Variants in UBR1 observed in about 807,000 individuals in gnomAD.
UBR1 encodes the protein E3 ubiquitin-protein ligase UBR1.
A neutral mutation model predicts 242.1 loss-of-function variants in UBR1; 102 were observed. The observed-to-expected ratio is 0.42, with a 90% CI of 0.36 to 0.50. The LOEUF is 0.50. Ranked by LOEUF, UBR1 falls within the 20% of genes least tolerant of loss-of-function variation. UBR1 has a pLI of 0.01. For synonymous variants in UBR1, 675 were observed against 684.8 expected, an observed-to-expected ratio of 0.99 and a Z score of 0.22; for missense variants, 1,772 against 2,101.8, an observed-to-expected ratio of 0.84 and a Z score of 3.07.
intron 31 of UBR1, among the ~76,000 whole-genome samples, chr15:43,002,967 C>A (rs1021459775): frequency 2.0e-5 from 3 of 152,176 alleles, no homozygotes; most frequent in Non-Finnish European, 4.4e-5. Context: ...CTTGCCTCAA[C>A]AGCATGGTGA....
chr15:43,051,462 G>T (rs1331970493), intron 12 of UBR1, among the ~76,000 whole-genome samples: 3 of 152,130 alleles, frequency 2.0e-5, no homozygotes, highest in Admixed American at 6.5e-5. Context: ...AGGAAATATA[G>T]CTAATGGGTA....
Position 43,075,046 on chromosome 15 carries a change from G to A in UBR1, c.461C>T (p.Thr154Ile). The stretch of plus-strand genomic sequence containing the variant: ...AAAAGGGCCAGTTTTCCATGCCTCT[G>A]TGTCTCCACAGTCACAGAACCCTCC... The part of the protein sequence containing the change: ...TGGGFCDCGD[T>I]EAWKTGPFCV... The change falls in exon 4 of 47, where the codon ACA becomes ATA. Residue 154 changes from threonine to isoleucine, a missense_variant. By Grantham distance (89) the Thr-to-Ile change is moderately conservative. Transcript: ENST00000290650. 9 of 1,614,080 alleles carry A rather than the reference G, an allele frequency of 5.6e-6. No individual in the cohort carries two copies. The highest frequency in any genetic ancestry group is 7.6e-6 in the Non-Finnish European group (9 of 1,180,014).
At chr15:42,999,919 A>G (rs1327081605) in intron 32 of UBR1, among the ~76,000 whole-genome samples, 1 of 152,102 alleles carries the variant, frequency 6.6e-6, no homozygotes, top group African/African-American at 2.4e-5. Context: ...AAAATATATA[A>G]TGAACTGTGC....
intron 46 of UBR1, among the ~76,000 whole-genome samples, chr15:42,945,677 T>C (rs2031722001): frequency 6.6e-6 from 1 of 152,202 alleles, no homozygotes; most frequent in Admixed American, 6.5e-5. Flanking sequence ...ATGTACTCCT[T>C]GACCATTCAT....
chr15:43,026,988 G>A (rs1370780040), intron 22 of UBR1, among the ~76,000 whole-genome samples: 1 of 151,992 alleles, frequency 6.6e-6, no homozygotes, highest in Non-Finnish European at 1.5e-5. Context: ...AAGGTTGTCT[G>A]TTCAACTAAA....
chr15:43,033,841 C>T (rs1281639666), intron 19 of UBR1, among the ~76,000 whole-genome samples: 4 of 152,220 alleles, frequency 2.6e-5, no homozygotes, highest in African/African-American at 9.6e-5. Context: ...CGGTGGCTCA[C>T]GCCTATAATC....
chr15:42,998,214 C>A lies in UBR1; in HGVS notation c.3711G>T (p.Gln1237His). 6.2e-7 allele frequency: 1 copy of A among 1,614,030 alleles called. No individual in the cohort carries two copies. Among genetic ancestry groups the A allele is most frequent in the Non-Finnish European group, 8.5e-7 (1 of 1,179,992 alleles). The change falls in exon 33 of 47, where the codon CAG (glutamine) becomes CAT (histidine). Residue 1237 changes from glutamine to histidine, a missense_variant. Coordinates refer to ENST00000290650, the MANE Select transcript of UBR1 (RefSeq NM_174916.3). The stretch of plus-strand genomic sequence containing the variant: ...AACCTGATATTCTGGCCAGAACAGT[C>A]TGTATCCACCGTGCCAGGGTCAAAA... ...AQLLTLARWI[Q>H]TVLARISGYN... is the part of the protein sequence containing the mutation.
At position 43,056,364 on chromosome 15, in the gene UBR1, T is replaced by A; in HGVS notation, c.1261A>T (p.Met421Leu). ...CATACCAGAGTAGGAACAGTAAACATCTGAACTGAAAGTGCAGTTATAGAG... is the reference window on the plus strand; with the variant it reads ...CATACCAGAGTAGGAACAGTAAACAACTGAACTGAAAGTGCAGTTATAGAG... ...SISITALSVQ[M>L]FTVPTLARHL... is the part of the protein sequence containing the mutation. The change falls in exon 11 of 47, where the codon ATG (methionine) becomes TTG (leucine). Residue 421 changes from methionine (M) to leucine (L), a missense_variant. Coordinates refer to ENST00000290650, the MANE Select transcript of UBR1 (RefSeq NM_174916.3). 3 of 1,611,426 alleles carry A rather than the reference T, an allele frequency of 1.9e-6. No homozygotes were observed. The highest frequency in any genetic ancestry group is 4.5e-5 in the East Asian group (2 of 44,804).
At chr15:43,092,017 G>C (rs950586443) in intron 1 of UBR1, 10 of 453,920 alleles carry the variant, frequency 2.2e-5, no homozygotes, top group African/African-American at 1.8e-4. Context: ...GTCAGAGAGG[G>C]AGAGGTCAGT....
chr15:43,020,994 C>T (rs979918460), intron 27 of UBR1: 6 of 336,312 alleles, frequency 1.8e-5, no homozygotes, highest in African/African-American at 6.4e-5. Context: ...ATAGTAAGCA[C>T]CTTGTCTGCC....
chr15:43,059,085 C>T lies in UBR1; in HGVS notation c.1093G>A (p.Gly365Ser), dbSNP rs1230452785. The T allele has an allele frequency of 6.2e-7, 1 of 1,613,306 alleles. No homozygotes were observed. Among genetic ancestry groups the T allele is most frequent in the Non-Finnish European group, 8.5e-7 (1 of 1,179,340 alleles). The change falls in exon 9 of 47, where the codon GGT becomes AGT. Residue 365 changes from glycine (G) to serine (S), a missense_variant and splice_region_variant. Gly to Ser is a moderately conservative substitution (Grantham distance 56). Coordinates refer to ENST00000290650, the MANE Select transcript of UBR1 (RefSeq NM_174916.3). ...ACAGCATAAGCAAATGTCTACTTAC[C>T]TTTATAAAGCTTTGCATCCCAAAGC... Reference protein sequence around the residue: ...LMLWDAKLYKGARKILHELIF... With the variant: ...LMLWDAKLYKSARKILHELIF...
chr15:43,081,417 C>CAAAAAAAAAA (rs71108197), intron 3 of UBR1, among the ~76,000 whole-genome samples: 2 of 69,706 alleles, frequency 2.9e-5, no homozygotes, highest in Non-Finnish European at 2.6e-5. Flanking sequence ...CACCCCATCT[C>CAAAAAAAAAA]AAAAAAAAAA....
intron 29 of UBR1, 82 bp downstream of exon 29, chr15:43,015,606 C>A (rs1446019726): frequency 5.5e-6 from 8 of 1,453,670 alleles, no homozygotes; most frequent in Non-Finnish European, 7.6e-6. Flanking sequence ...CCTGCCAAAT[C>A]CCCCTCTCGG....
chr15:43,102,369 G>A (rs1427549338), intron 1 of UBR1, among the ~76,000 whole-genome samples: 4 of 152,182 alleles, frequency 2.6e-5, no homozygotes, highest in Non-Finnish European at 5.9e-5. Context: ...TCCAAGTGAA[G>A]ATGTCAAGTA....
rs531300795 is a variant in UBR1, at chr15:42,990,192, T to C, written c.3758-72A>G. The C allele has an allele frequency of 3.5e-5, 38 of 1,100,992 alleles. 1 individual carries two copies. The East Asian group carries it at 4.0e-4, about 12-fold the overall frequency. The allele number at this position is 1,100,992 out of a possible 1,614,324, so 68.2% of individuals were successfully genotyped here. A position where few individuals can be genotyped will look rare whatever the true frequency, so the allele number is the denominator to read the frequency against. On this transcript the variant is annotated intron_variant, in intron 33 of 46. Coordinates refer to ENST00000290650, the MANE Select transcript of UBR1 (RefSeq NM_174916.3). The stretch of plus-strand genomic sequence containing the variant: ...GTCTGACATACAGTTTTCTAGCATT[T>C]ATTTATTTATTTTTGACAGTCTCAC...
At chr15:43,007,483 T>C (rs1041566931) in intron 29 of UBR1, among the ~76,000 whole-genome samples, 199 bp from the exon 30 acceptor site, 3 of 152,110 alleles carry the variant, frequency 2.0e-5, no homozygotes, top group Non-Finnish European at 4.4e-5. Context: ...AAAATACAAG[T>C]GTTGCTAAGT....
At chr15:43,042,732 T>C (rs540723802) in intron 15 of UBR1, among the ~76,000 whole-genome samples, 6 of 152,280 alleles carry the variant, frequency 3.9e-5, no homozygotes, top group East Asian at 3.9e-4. Context: ...CATTTTATCA[T>C]TGAAAATAGA....
intron 20 of UBR1, among the ~76,000 whole-genome samples, chr15:43,031,289 C>T (rs2033254086): frequency 6.6e-6 from 1 of 150,978 alleles, no homozygotes; most frequent in Admixed American, 6.6e-5. Flanking sequence ...TGGGCAAACA[C>T]AATAATAGTA....
At chr15:43,017,425 C>T (rs2033042723) in intron 27 of UBR1, among the ~76,000 whole-genome samples, 1 of 152,114 alleles carries the variant, frequency 6.6e-6, no homozygotes, top group South Asian at 2.1e-4. Flanking sequence ...TGGGGGCATG[C>T]CTCTGTTAGC....
Sources: gnomAD v4.1 joint callset for allele counts (sites outside exome capture counted in the v4.1 genomes callset) on GRCh38, gnomAD v4.1.1 for gene constraint, MANE v1.5 for transcripts, NCBI Gene and HGNC (gene_info 2026-07-23, HGNC 2026-07-21) for gene names.